Variants in KYNU observed in about 807,000 individuals in gnomAD.
The protein encoded by KYNU is L-kynurenine hydrolase.
KYNU carries 54 observed loss-of-function variants against 59.2 expected under a neutral mutation model. That is an observed-to-expected ratio of 0.91 (90% confidence interval 0.73 to 1.14). KYNU has a LOEUF of 1.14. KYNU is among the 50% of genes most tolerant of loss of function. The pLI, the probability that KYNU is intolerant of heterozygous loss-of-function variation, is 0.00. For missense variants in KYNU, 567 were observed against 554.4 expected, an observed-to-expected ratio of 1.02 and a Z score of -0.23; for synonymous variants, 177 against 192.0, an observed-to-expected ratio of 0.92 and a Z score of 0.65.
intron 12 of KYNU, among the ~76,000 whole-genome samples, chr2:143,037,480 G>A (rs1032755930): frequency 7.2e-5 from 11 of 152,216 alleles, no homozygotes; most frequent in Admixed American, 3.9e-4. Context: ...AATACATGGC[G>A]AGTCAGAAGA....
intron 4 of KYNU, 33 bp from the exon 5 acceptor site, chr2:142,954,777 A>C (rs1315346017): frequency 7.0e-7 from 1 of 1,418,904 alleles, no homozygotes; most frequent in Non-Finnish European, 1.0e-6. Context: ...GACATAGTAC[A>C]AACATCTAAA....
At chr2:142,915,406 G>A (rs534971429) in intron 2 of KYNU, among the ~76,000 whole-genome samples, 2 of 152,326 alleles carry the variant, frequency 1.3e-5, no homozygotes, top group Non-Finnish European at 1.5e-5. Context: ...AAAATAAATT[G>A]TTAATAGACA....
intron 10 of KYNU, among the ~76,000 whole-genome samples, chr2:143,022,602 C>G (rs559061582): frequency 1.3e-5 from 2 of 152,060 alleles, no homozygotes; most frequent in East Asian, 3.9e-4. Flanking sequence ...GAATTATCTA[C>G]TAAAAAGTAT....
rs544314733 is a variant in KYNU at position 143,053,767 on chromosome 2, G to A, written c.*11595G>A. ...ATTAAACCTCTTTCTTTTGTAAATT[G>A]CCCAATCTTGGGAATGTCTTTATCA... is the stretch of plus-strand genomic sequence containing the variant. On this transcript the variant is annotated 3_prime_UTR_variant, in exon 14 of 14. Coordinates refer to ENST00000264170, the MANE Select transcript of KYNU (RefSeq NM_003937.3). 3.9e-5 allele frequency: 6 copies of A among 152,428 alleles called. No individual in the cohort carries two copies. The highest frequency in any genetic ancestry group is 1.4e-4 in the African/African-American group (6 of 41,448). 9.4% of individuals were successfully genotyped at this position (152,428 alleles called of 1,614,324 possible).
rs372684448 is a variant in KYNU at position 142,900,383 on chromosome 2, G to A, written c.169+14847G>A. Among the ~76,000 whole-genome samples the A allele has an allele frequency of 2.9e-3, 440 of 152,282 alleles. 3 individuals carry two copies. The highest frequency in any genetic ancestry group is 1.0e-2 in the African/African-American group (415 of 41,560). The stretch of plus-strand genomic sequence containing the variant: ...GTGCAGTTGCAAGATTTAATAGAGT[G>A]AAAACAGAGCTCCCATACAAAGGGA... On this transcript the variant is annotated intron_variant, in intron 2 of 13. Transcript: ENST00000264170.
Position 143,046,033 on chromosome 2 carries a change from A to G in KYNU, c.*3861A>G, listed in dbSNP as rs1443532024. On this transcript the variant is annotated 3_prime_UTR_variant, in exon 14 of 14. Transcript: ENST00000264170. ...AAAATATTTCATGCTAATCACATTAAAATTATATCAAAGTATATAAACATA... is the reference window on the plus strand; with the variant it reads ...AAAATATTTCATGCTAATCACATTAGAATTATATCAAAGTATATAAACATA... The G allele has an allele frequency of 2.0e-5, 3 of 152,194 alleles. No individual in the cohort carries two copies. Among genetic ancestry groups the G allele is most frequent in the Non-Finnish European group, 4.4e-5 (3 of 68,030 alleles). 9.4% of individuals were successfully genotyped at this position (152,194 alleles called of 1,614,324 possible). A position where few individuals can be genotyped will look rare whatever the true frequency, so the allele number is the denominator to read the frequency against.
intron 10 of KYNU, among the ~76,000 whole-genome samples, chr2:143,010,955 A>C (rs1358299812): frequency 2.7e-5 from 4 of 146,392 alleles, no homozygotes; most frequent in African/African-American, 1.0e-4. Context: ...AAACCATAAA[A>C]ACCCTAGAAG....
chr2:142,986,431 A>G (rs533665159), intron 10 of KYNU, among the ~76,000 whole-genome samples: 1 of 152,066 alleles, frequency 6.6e-6, no homozygotes, highest in African/African-American at 2.4e-5. Flanking sequence ...TTAAAATTAC[A>G]TCTACCTTTA....
At chr2:143,014,974 A>G (rs1188911874) in intron 10 of KYNU, among the ~76,000 whole-genome samples, 1 of 152,136 alleles carries the variant, frequency 6.6e-6, no homozygotes, top group East Asian at 1.9e-4. Flanking sequence ...GATCACTGTA[A>G]TCTTGAGTTC....
chr2:142,931,926 A>C (rs1683233248), intron 4 of KYNU, among the ~76,000 whole-genome samples: 1 of 152,158 alleles, frequency 6.6e-6, no homozygotes, highest in South Asian at 2.1e-4. Flanking sequence ...AGTTTGTGTG[A>C]CGACATTTGC....
intron 10 of KYNU, 48 bp downstream of exon 10, chr2:142,986,069 G>A (rs754110544): frequency 5.5e-6 from 7 of 1,262,696 alleles, no homozygotes; most frequent in Non-Finnish European, 7.0e-6. Flanking sequence ...AAATTAATTT[G>A]CATTAATAAT....
intron 10 of KYNU, among the ~76,000 whole-genome samples, chr2:143,002,394 G>A (rs1290750806): frequency 6.6e-6 from 1 of 152,162 alleles, no homozygotes; most frequent in African/African-American, 2.4e-5. Flanking sequence ...TACTCTTCGT[G>A]TAGTCCCTTG....
At chr2:142,908,250 T>G (rs1573775491) in intron 2 of KYNU, among the ~76,000 whole-genome samples, 1 of 152,158 alleles carries the variant, frequency 6.6e-6, no homozygotes, top group Admixed American at 6.5e-5. Flanking sequence ...GTGAAAAGTA[T>G]TGGAAAGTTT....
At chr2:143,013,298 C>CTCTCTCTCTGTGTGTGTG (rs72349700) in intron 10 of KYNU, among the ~76,000 whole-genome samples, 29 of 149,572 alleles carry the variant, frequency 1.9e-4, no homozygotes, top group African/African-American at 6.4e-4. Flanking sequence ...GTCTCTTTCT[C>CTCTCTCTCTGTGTGTGTG]TGTGTGTGTG....
At chr2:142,989,959 T>G (rs972299624) in intron 10 of KYNU, 1 of 151,892 alleles carries the variant, frequency 6.6e-6, no homozygotes, top group South Asian at 2.1e-4. Context: ...TGTTTAAATA[T>G]GCATTTTGGA....
chr2:143,003,447 G>A (rs1685769293), intron 10 of KYNU, among the ~76,000 whole-genome samples: 1 of 152,118 alleles, frequency 6.6e-6, no homozygotes, highest in Admixed American at 6.6e-5. Flanking sequence ...GCCAGGTGTG[G>A]TGGCGGGCAC....
chr2:142,926,684 TA>T (rs1683055937), intron 3 of KYNU, among the ~76,000 whole-genome samples: 1 of 152,170 alleles, frequency 6.6e-6, no homozygotes, highest in Admixed American at 6.5e-5. Context: ...GTGGAGACTT[TA>T]GCATGGTAAT....
chr2:143,034,331 A>G (rs534788121), intron 12 of KYNU, among the ~76,000 whole-genome samples: 1 of 152,284 alleles, frequency 6.6e-6, no homozygotes, highest in South Asian at 2.1e-4. Context: ...GTAGTTTATG[A>G]TATTTTGGCA....
chr2:142,887,068 G>A (rs1297121811), intron 2 of KYNU, among the ~76,000 whole-genome samples: 1 of 152,096 alleles, frequency 6.6e-6, no homozygotes, highest in Admixed American at 6.6e-5. Flanking sequence ...TGCTCGGGAG[G>A]CTGAGGCAGG....
Sources: gnomAD v4.1 joint callset for allele counts (sites outside exome capture counted in the v4.1 genomes callset) on GRCh38, gnomAD v4.1.1 for gene constraint, MANE v1.5 for transcripts, NCBI Gene and HGNC (gene_info 2026-07-23, HGNC 2026-07-21) for gene names.